The following KCNT1 variants were observed in gnomAD, a reference collection of about 807,000 sequenced individuals.
The protein encoded by KCNT1 is potassium channel subfamily T member 1.
A neutral mutation model predicts 147.8 loss-of-function variants in KCNT1; 78 were observed. The observed-to-expected ratio is 0.53, with a 90% CI of 0.44 to 0.64. The LOEUF (loss-of-function observed/expected upper bound fraction) is 0.64, where lower values mean the gene tolerates loss of function less well. Ranked by LOEUF, KCNT1 falls within the 30% of genes least tolerant of loss-of-function variation. The pLI is 0.00. For missense variants in KCNT1, 1,419 were observed against 1,750.3 expected (o/e 0.81, Z 3.38); for synonymous variants, 867 against 748.8 (o/e 1.16, Z -2.58).
intron 30 of KCNT1, 34 bp downstream of exon 30, chr9:135,791,915 C>T: frequency 1.2e-6 from 2 of 1,610,138 alleles, no homozygotes; most frequent in Non-Finnish European, 1.7e-6. Flanking sequence ...TGGAGACCCC[C>T]CCTGAGCACC....
chr9:135,704,983 G>A (rs1448688668), intron 1 of KCNT1, among the ~76,000 whole-genome samples: 1 of 152,212 alleles, frequency 6.6e-6, no homozygotes, highest in Non-Finnish European at 1.5e-5. Flanking sequence ...GGAGCAGACA[G>A]GGTCCCCACG....
chr9:135,781,982 G>C (rs1368143236), intron 24 of KCNT1, among the ~76,000 whole-genome samples: 5 of 152,226 alleles, frequency 3.3e-5, no homozygotes, highest in Admixed American at 3.3e-4. Flanking sequence ...GGGAGGCTAA[G>C]GCGGACGGAT....
In KCNT1 at chr9:135,714,845, T is replaced by G; in HGVS notation, c.254+125T>G. On this transcript the variant is annotated intron_variant, in intron 2 of 30. Coordinates refer to ENST00000371757, the MANE Select transcript of KCNT1 (RefSeq NM_020822.3). The surrounding 1 kb of genome is among the most constrained non-coding windows in gnomAD (Gnocchi z 6.2). ...GCAGCCGCCGGCGCCCTTCAACTTTTCCCGGCTTCTGGGGACGCAGAAGTT... is the reference window on the plus strand; with the variant it reads ...GCAGCCGCCGGCGCCCTTCAACTTTGCCCGGCTTCTGGGGACGCAGAAGTT... 4.8e-6 allele frequency: 3 copies of G among 618,946 alleles called. No homozygotes were observed. Among genetic ancestry groups the G allele is most frequent in the South Asian group, 7.4e-5 (1 of 13,522 alleles). 38.3% of individuals were successfully genotyped at this position (618,946 alleles called of 1,614,324 possible). A position where few individuals can be genotyped will look rare whatever the true frequency, so the allele number is the denominator to read the frequency against.
intron 29 of KCNT1, chr9:135,791,583 C>G: frequency 1.8e-6 from 1 of 557,786 alleles, no homozygotes; most frequent in South Asian, 2.0e-5. Context: ...TCCCAGCTGC[C>G]CTCCTGGCTG....
chr9:135,787,751 C>T (rs1401534624), intron 29 of KCNT1, among the ~76,000 whole-genome samples: 4 of 152,222 alleles, frequency 2.6e-5, no homozygotes, highest in African/African-American at 9.6e-5. Flanking sequence ...CCTCCATCCC[C>T]ACAGTGTCCC....
chr9:135,755,585 G>C (rs777212029), intron 6 of KCNT1, among the ~76,000 whole-genome samples: 2 of 144,604 alleles, frequency 1.4e-5, no homozygotes, highest in Admixed American at 6.9e-5. Flanking sequence ...ACAAACTCAG[G>C]CTCAGTAGGC....
At chr9:135,751,344 C>T (rs774360661) in intron 4 of KCNT1, among the ~76,000 whole-genome samples, 23 of 151,940 alleles carry the variant, frequency 1.5e-4, no homozygotes, top group Non-Finnish European at 2.9e-4. Context: ...CCCTCCCTGC[C>T]CCCACAAGTG....
chr9:135,721,518 G>A (rs1835925015), intron 2 of KCNT1, among the ~76,000 whole-genome samples: 1 of 152,190 alleles, frequency 6.6e-6, no homozygotes, highest in African/African-American at 2.4e-5. Flanking sequence ...GGCAGGCTGG[G>A]GTCTCCTGGC....
intron 24 of KCNT1, among the ~76,000 whole-genome samples, chr9:135,782,904 C>T (rs1447634291): frequency 6.6e-6 from 1 of 152,214 alleles, no homozygotes; most frequent in African/African-American, 2.4e-5. Context: ...CACTGTTTCT[C>T]ACGCCCCAGC....
chr9:135,724,936 C>T (rs1436597021), intron 2 of KCNT1, among the ~76,000 whole-genome samples: 1 of 152,238 alleles, frequency 6.6e-6, no homozygotes, highest in Non-Finnish European at 1.5e-5. Context: ...ACAGATCTGA[C>T]AGGGTCTTCC....
chr9:135,773,725 C>G (rs912671441), intron 19 of KCNT1, among the ~76,000 whole-genome samples: 1 of 152,250 alleles, frequency 6.6e-6, no homozygotes, highest in African/African-American at 2.4e-5. Context: ...GGGGTGGGGT[C>G]AACACACTGT....
chr9:135,740,796 A>G (rs1184123221), intron 2 of KCNT1, among the ~76,000 whole-genome samples: 1 of 152,232 alleles, frequency 6.6e-6, no homozygotes, highest in Non-Finnish European at 1.5e-5. Context: ...AGAGATGCTG[A>G]GTGGCACCCA....
In KCNT1 at chr9:135,785,828, G is replaced by A; in HGVS notation, c.3178-369G>A. 3 of 428,430 alleles carry A rather than the reference G, an allele frequency of 7.0e-6. No homozygotes were observed. In the South Asian group the frequency reaches 7.7e-5, roughly 11 times the overall value. 26.5% of individuals were successfully genotyped at this position (428,430 alleles called of 1,614,324 possible). On this transcript the variant is annotated intron_variant, in intron 28 of 30. Coordinates refer to ENST00000371757, the MANE Select transcript of KCNT1 (RefSeq NM_020822.3). Reference sequence around the variant, plus strand: ...ATGGAGAAATTGACACGCAGAGGGGGTGACCTCTCAGGGCAAGGCCAGGAT... The same window carrying A: ...ATGGAGAAATTGACACGCAGAGGGGATGACCTCTCAGGGCAAGGCCAGGAT...
At chr9:135,727,850 C>T (rs1010844657) in intron 2 of KCNT1, among the ~76,000 whole-genome samples, 102 of 152,306 alleles carry the variant, frequency 6.7e-4, no homozygotes, top group African/African-American at 2.3e-3. Flanking sequence ...CCTGACTGAC[C>T]GTCCCAATCT....
intron 2 of KCNT1, among the ~76,000 whole-genome samples, chr9:135,718,676 G>A (rs967285751): frequency 4.6e-5 from 7 of 152,196 alleles, no homozygotes; most frequent in African/African-American, 7.2e-5. Context: ...CACCCCTCAC[G>A]CCCTCCCTAT....
intron 19 of KCNT1, among the ~76,000 whole-genome samples, chr9:135,774,039 GTGTGTGTGGTGTATGTTA>G (rs1296427006): frequency 2.6e-5 from 4 of 151,980 alleles, no homozygotes; most frequent in Admixed American, 2.0e-4. Context: ...TGTCCGGTGT[GTGTGTGTGGTGTATGTTA>G]TGTGTGTGGT....
chr9:135,735,584 C>T (rs983578065), intron 2 of KCNT1, among the ~76,000 whole-genome samples: 4 of 152,242 alleles, frequency 2.6e-5, no homozygotes, highest in Non-Finnish European at 5.9e-5. Context: ...GGGAGGGCTT[C>T]TGGTGTGAGT....
intron 29 of KCNT1, chr9:135,788,243 C>A: frequency 8.3e-7 from 1 of 1,204,742 alleles, no homozygotes; most frequent in Non-Finnish European, 1.2e-6. Context: ...GCTGCGCCAT[C>A]CCGGCCAGGC....
chr9:135,739,252 G>T (rs1830460624), intron 2 of KCNT1, among the ~76,000 whole-genome samples: 2 of 152,070 alleles, frequency 1.3e-5, no homozygotes, highest in African/African-American at 2.4e-5. Context: ...TTTGACCCCA[G>T]GGAGCAAGCC....
Sources: allele counts gnomAD v4.1 joint callset (sites outside exome capture counted in the v4.1 genomes callset), GRCh38; gene constraint gnomAD v4.1.1; non-coding constraint Gnocchi (gnomAD v3.1); transcripts MANE v1.5; gene names NCBI Gene and HGNC (gene_info 2026-07-23, HGNC 2026-07-21).